The following ANO10 variants were observed in gnomAD, a reference collection of about 807,000 sequenced individuals.
ANO10 encodes the protein anoctamin 10, also known as anoctamin-10.
Under a neutral mutation model 74.7 loss-of-function variants are expected in ANO10, and 77 were observed. The observed-to-expected ratio is 1.03, with a 90% CI of 0.86 to 1.25. The LOEUF (loss-of-function observed/expected upper bound fraction) is 1.25. ANO10 is among the 50% of genes most tolerant of loss of function. The probability of loss-of-function intolerance (pLI) is 0.00; values close to 1 mark genes in which losing one functional copy is unlikely to be tolerated. For missense variants in ANO10, 721 were observed against 778.1 expected (o/e 0.93, Z 0.87); for synonymous variants, 279 against 284.9 (o/e 0.98, Z 0.21).
upstream of ANO10, among the ~76,000 whole-genome samples, chr3:43,626,473 A>AT (rs1207041893): frequency 7.3e-5 from 11 of 149,832 alleles, no homozygotes; most frequent in Non-Finnish European, 1.5e-4. Context: ...TAATTTTTGT[A>AT]TTTTTTTAGT....
chr3:43,594,403 A>G (rs557983493), intron 4 of ANO10, among the ~76,000 whole-genome samples: 1 of 152,134 alleles, frequency 6.6e-6, no homozygotes, highest in African/African-American at 2.4e-5. Flanking sequence ...GAAATTATAA[A>G]AAACTGTCTC....
At chr3:43,382,427 G>A (rs1440501621) in intron 12 of ANO10, among the ~76,000 whole-genome samples, 2 of 151,648 alleles carry the variant, frequency 1.3e-5, no homozygotes, top group African/African-American at 2.4e-5. Flanking sequence ...GCTGAGGCAG[G>A]AGAATGGCGT....
At chr3:43,449,438 G>A (rs1038116751) in intron 11 of ANO10, among the ~76,000 whole-genome samples, 6 of 145,308 alleles carry the variant, frequency 4.1e-5, no homozygotes, top group Non-Finnish European at 9.1e-5. Context: ...AAGTTTTATA[G>A]TTTTGTGTTT....
intron 7 of ANO10, among the ~76,000 whole-genome samples, chr3:43,566,529 C>G (rs1054082169): frequency 2.0e-5 from 3 of 152,218 alleles, no homozygotes; most frequent in African/African-American, 7.2e-5. Flanking sequence ...TCCCTGACCC[C>G]TGACCCCCGA....
chr3:43,384,256 A>G (rs971607707), intron 12 of ANO10, among the ~76,000 whole-genome samples: 3 of 152,156 alleles, frequency 2.0e-5, no homozygotes, highest in Non-Finnish European at 4.4e-5. Flanking sequence ...AAACTACAAA[A>G]CACTGCTGAA....
intron 3 of ANO10, 149 bp from the exon 4 acceptor site, chr3:43,598,815 A>T: frequency 1.5e-6 from 1 of 661,938 alleles, no homozygotes; most frequent in Non-Finnish European, 2.5e-6. Flanking sequence ...AATAGAACAT[A>T]AAGCTCCTTA....
rs574205325 is a variant in ANO10, at chr3:43,477,329, A to G, written c.1798-44602T>C. On this transcript the variant is annotated intron_variant, in intron 11 of 12. Transcript: ENST00000292246. ...ATGTACCACCTCTCCCTTTTTATTA[A>G]TGAATATGAAAATAATTTATAAATT... Among the ~76,000 whole-genome samples the G allele has an allele frequency of 7.2e-5, 11 of 152,316 alleles. 1 individual carries two copies. The South Asian group carries it at 1.9e-3, about 26-fold the overall frequency.
In ANO10 at chr3:43,374,332, C is replaced by T. The variant is rs138055301; in HGVS notation, c.1915-7358G>A. ...TGCCCAACACTTACATCACATTGCA[C>T]GCCAGGCACTGTTCTAAACACTATG... On this transcript the variant is annotated intron_variant, in intron 12 of 12. Coordinates refer to ENST00000292246, the MANE Select transcript of ANO10 (RefSeq NM_018075.5). 2.9e-3 allele frequency among the ~76,000 whole-genome samples: 446 copies of T among 152,314 alleles called. 1 individual carries two copies. The highest frequency in any genetic ancestry group is 0.01 in the African/African-American group (430 of 41,566).
chr3:43,383,738 T>G (rs922095715), intron 12 of ANO10, among the ~76,000 whole-genome samples: 2 of 152,108 alleles, frequency 1.3e-5, no homozygotes, highest in Non-Finnish European at 2.9e-5. Flanking sequence ...ACTTTATTAT[T>G]AAAACCCTCA....
chr3:43,690,867 GC>G lies in ANO10; in HGVS notation c.-12+649del. 5 of 1,068,886 alleles carry G rather than the reference GC, an allele frequency of 4.7e-6. No individual in the cohort carries two copies. The South Asian group carries it at 1.0e-4, about 22-fold the overall frequency. 66.2% of individuals were successfully genotyped at this position (1,068,886 alleles called of 1,614,324 possible). A position where few individuals can be genotyped will look rare whatever the true frequency, so the allele number is the denominator to read the frequency against. On this transcript the variant is annotated intron_variant, in intron 1 of 3. Transcript: ENST00000413397. The stretch of plus-strand genomic sequence containing the variant: ...AAACGCGGGCGCGCCGCCGGGCCGT[GC>G]TAGTGCGCGGAAGACGCATGCGCTG...
At chr3:43,632,229 C>T (rs1268114087) in intron 1 of ANO10, among the ~76,000 whole-genome samples, 1 of 152,232 alleles carries the variant, frequency 6.6e-6, no homozygotes, top group African/African-American at 2.4e-5. Context: ...TCTCCACCCT[C>T]CTCTGTGCCC....
intron 12 of ANO10, chr3:43,372,867 A>T: frequency 1.3e-6 from 2 of 1,534,316 alleles, no homozygotes; most frequent in Non-Finnish European, 8.7e-7. Flanking sequence ...CAGCCAGAGA[A>T]ATTCTAATTT....
intron 1 of ANO10, among the ~76,000 whole-genome samples, chr3:43,657,538 G>A (rs927661315): frequency 2.0e-5 from 3 of 152,194 alleles, no homozygotes; most frequent in Non-Finnish European, 2.9e-5. Context: ...CTAAAGGGAA[G>A]GCATTTGACC....
chr3:43,522,040 A>G (rs973367992), intron 11 of ANO10, among the ~76,000 whole-genome samples: 1 of 152,212 alleles, frequency 6.6e-6, no homozygotes, highest in Admixed American at 6.5e-5. Flanking sequence ...TAAGCCAGAC[A>G]CAAAGGGACA....
chr3:43,598,946 AAT>A (rs1319562251), intron 3 of ANO10, among the ~76,000 whole-genome samples: 2 of 152,212 alleles, frequency 1.3e-5, no homozygotes, highest in Non-Finnish European at 2.9e-5. Context: ...ATTTAGTACC[AAT>A]GAGCAGAAAG....
At chr3:43,655,667 T>C (rs1244669935) in intron 1 of ANO10, among the ~76,000 whole-genome samples, 1 of 152,146 alleles carries the variant, frequency 6.6e-6, no homozygotes, top group Admixed American at 6.5e-5. Context: ...ATCAGTTAGA[T>C]ACAGAGTATG....
chr3:43,562,380 A>T (rs2080082425), intron 8 of ANO10, among the ~76,000 whole-genome samples: 1 of 147,228 alleles, frequency 6.8e-6, no homozygotes, highest in Non-Finnish European at 1.5e-5. Context: ...TGAACCCAGG[A>T]GGCGGAGCTT....
intron 12 of ANO10, among the ~76,000 whole-genome samples, chr3:43,399,246 CTATTA>C (rs531114232): frequency 1.4e-3 from 213 of 152,362 alleles, no homozygotes; most frequent in African/African-American, 5.0e-3. Context: ...CTTGCCCATT[CTATTA>C]TGAGTCATTT....
At chr3:43,599,418 C>G (rs1481159090) in intron 3 of ANO10, among the ~76,000 whole-genome samples, 1 of 152,282 alleles carries the variant, frequency 6.6e-6, no homozygotes, top group Non-Finnish European at 1.5e-5. Context: ...GACCCTATCA[C>G]ATTCAGCAGG....
Sources: gnomAD v4.1 joint callset for allele counts (sites outside exome capture counted in the v4.1 genomes callset) on GRCh38, gnomAD v4.1.1 for gene constraint, MANE v1.5 for transcripts, NCBI Gene and HGNC (gene_info 2026-07-23, HGNC 2026-07-21) for gene names.